Variants in FAT3 observed in about 807,000 individuals in gnomAD.
The protein encoded by FAT3 is protocadherin Fat 3.
Under a neutral mutation model 310.2 loss-of-function variants are expected in FAT3, and 95 were observed. The observed-to-expected ratio is 0.31, with a 90% CI of 0.26 to 0.36. The LOEUF (loss-of-function observed/expected upper bound fraction) is 0.36, where lower values mean the gene tolerates loss of function less well. FAT3 is among the 10% of genes least tolerant of loss of function. The probability of loss-of-function intolerance (pLI) is 1.00; values close to 1 mark genes in which losing one functional copy is unlikely to be tolerated. For missense variants in FAT3, 5,408 were observed against 5,715.6 expected (o/e 0.95, Z 1.74); for synonymous variants, 2,314 against 2,192.9 (o/e 1.06, Z -1.54).
intron 3 of FAT3, among the ~76,000 whole-genome samples, chr11:92,634,578 G>T (rs539731615): frequency 6.6e-6 from 1 of 152,098 alleles, no homozygotes; most frequent in Non-Finnish European, 1.5e-5. Flanking sequence ...AGAGTAGAGC[G>T]CAGGGCTTCT....
intron 1 of FAT3, among the ~76,000 whole-genome samples, chr11:92,267,161 T>A (rs1211048852): frequency 6.6e-6 from 1 of 152,134 alleles, no homozygotes; most frequent in African/African-American, 2.4e-5. Context: ...CTATTTGGCA[T>A]TCATGACTTT....
chr11:92,476,066 AGTGT>A (rs537879046), intron 2 of FAT3, among the ~76,000 whole-genome samples: 1 of 151,400 alleles, frequency 6.6e-6, no homozygotes, highest in African/African-American at 2.4e-5. Flanking sequence ...TGAGTGTGTG[AGTGT>A]GTGTGTGTGT....
At chr11:92,317,889 T>G (rs1947506111) in intron 1 of FAT3, among the ~76,000 whole-genome samples, 1 of 152,184 alleles carries the variant, frequency 6.6e-6, no homozygotes. Flanking sequence ...ATTTTTTTGT[T>G]TGCATTTATT....
intron 3 of FAT3, among the ~76,000 whole-genome samples, chr11:92,578,201 A>G (rs182566458): frequency 9.2e-5 from 12 of 130,714 alleles, no homozygotes; most frequent in African/African-American, 3.1e-4. Flanking sequence ...AAGATCTTTT[A>G]AAATTGTATT....
chr11:92,826,018 G>A (rs1349743391), intron 13 of FAT3, among the ~76,000 whole-genome samples: 1 of 152,104 alleles, frequency 6.6e-6, no homozygotes, highest in East Asian at 1.9e-4. Context: ...TCACCAAGTT[G>A]CTAAGCTTCC....
intron 3 of FAT3, among the ~76,000 whole-genome samples, chr11:92,582,914 G>C (rs776525108): frequency 7.9e-5 from 12 of 152,020 alleles, no homozygotes; most frequent in Non-Finnish European, 1.8e-4. Flanking sequence ...CCTAGTCACT[G>C]TAAGTACTAC....
At chr11:92,442,575 A>C (rs1194290842) in intron 2 of FAT3, among the ~76,000 whole-genome samples, 2 of 152,192 alleles carry the variant, frequency 1.3e-5, no homozygotes, top group South Asian at 2.1e-4. Flanking sequence ...TACTCTGTAA[A>C]GTAGCAGTCA....
intron 2 of FAT3, among the ~76,000 whole-genome samples, chr11:92,404,427 C>A (rs1354516521): frequency 1.3e-5 from 2 of 151,794 alleles, no homozygotes; most frequent in African/African-American, 4.8e-5. Context: ...GTAAACTACC[C>A]TGGATAACCT....
chr11:92,714,086 A>G (rs1043913447), intron 4 of FAT3, among the ~76,000 whole-genome samples: 1 of 152,200 alleles, frequency 6.6e-6, no homozygotes, highest in Non-Finnish European at 1.5e-5. Flanking sequence ...GAGTTCTTAT[A>G]AGACTACTGC....
chr11:92,545,413 C>A (rs915399091), intron 3 of FAT3, among the ~76,000 whole-genome samples: 7 of 152,058 alleles, frequency 4.6e-5, no homozygotes, highest in Non-Finnish European at 7.4e-5. Flanking sequence ...CTTTTGTTCA[C>A]CATTGGATAT....
At chr11:92,318,885 G>A (rs572097272) in intron 1 of FAT3, among the ~76,000 whole-genome samples, 29 of 152,302 alleles carry the variant, frequency 1.9e-4, no homozygotes, top group Admixed American at 7.2e-4. Context: ...GCTGGATTCT[G>A]CAACTGCATG....
chr11:92,587,909 A>G (rs532264005), intron 3 of FAT3, among the ~76,000 whole-genome samples: 14 of 152,164 alleles, frequency 9.2e-5, no homozygotes, highest in Non-Finnish European at 2.1e-4. Context: ...AAATCTAAAC[A>G]AAGGACAAAT....
At chr11:92,289,692 A>G (rs1423720860) in intron 1 of FAT3, among the ~76,000 whole-genome samples, 2 of 152,134 alleles carry the variant, frequency 1.3e-5, no homozygotes, top group African/African-American at 4.8e-5. Flanking sequence ...AAAATGTTAT[A>G]GATCACATCT....
intron 2 of FAT3, among the ~76,000 whole-genome samples, chr11:92,387,595 G>A (rs957419564): frequency 5.9e-5 from 9 of 152,152 alleles, no homozygotes; most frequent in African/African-American, 1.7e-4. Context: ...CTGTGTGGCT[G>A]GATGTAGGGG....
intron 3 of FAT3, among the ~76,000 whole-genome samples, chr11:92,556,764 G>A (rs1011664981): frequency 3.3e-5 from 5 of 152,088 alleles, no homozygotes; most frequent in African/African-American, 1.2e-4. Context: ...CCCACCACAG[G>A]AGAGAAAAAG....
At chr11:92,661,630 A>G (rs1942787260) in intron 3 of FAT3, among the ~76,000 whole-genome samples, 3 of 151,934 alleles carry the variant, frequency 2.0e-5, no homozygotes. Flanking sequence ...ACACATGCCC[A>G]TTCAAATAAA....
intron 3 of FAT3, among the ~76,000 whole-genome samples, chr11:92,669,391 G>A (rs118068474): frequency 6.6e-6 from 1 of 152,306 alleles, no homozygotes; most frequent in Non-Finnish European, 1.5e-5. Context: ...GCCTCTGCAA[G>A]CACATAGGGG....
chr11:92,743,725 A>G (rs2676165), intron 4 of FAT3, among the ~76,000 whole-genome samples: 89,466 of 152,118 alleles, frequency 0.59, 28,244 homozygotes, highest in African/African-American at 0.83. Context: ...GCAGTATTGG[A>G]TGACGAGGCC....
chr11:92,546,911 A>G (rs3996490), intron 3 of FAT3, among the ~76,000 whole-genome samples: 22,999 of 152,094 alleles, frequency 0.15, 1,933 homozygotes, highest in East Asian at 0.29. Flanking sequence ...TATATCTTCA[A>G]TCACCCCAAA....
Sources: gnomAD v4.1 joint callset for allele counts (sites outside exome capture counted in the v4.1 genomes callset) on GRCh38, gnomAD v4.1.1 for gene constraint, MANE v1.5 for transcripts, NCBI Gene and HGNC (gene_info 2026-07-23, HGNC 2026-07-21) for gene names.